GRIP1: variants seen among roughly 807,000 people sequenced by gnomAD.
The protein encoded by GRIP1 is glutamate receptor-interacting protein 1.
In GRIP1, 45 loss-of-function variants were observed where a neutral mutation model predicts 129.9. The ratio of observed to expected loss-of-function variants is 0.35; its 90% CI spans 0.27 to 0.44. GRIP1 has a LOEUF of 0.44. Among genes scored for constraint, GRIP1 ranks in the 20% least tolerant of loss-of-function variants. The pLI, the probability that GRIP1 is intolerant of heterozygous loss-of-function variation, is 1.00. For synonymous variants in GRIP1, 530 were observed against 520.8 expected (o/e 1.02, Z -0.24); for missense variants, 1,196 against 1,396.8 (o/e 0.86, Z 2.29).
chr12:66,620,608 A>G (rs2065225534), intron 1 of GRIP1, among the ~76,000 whole-genome samples: 1 of 152,186 alleles, frequency 6.6e-6, no homozygotes, highest in Non-Finnish European at 1.5e-5. Context: ...TCCAGGTAAT[A>G]GCTCTCTGAG....
chr12:66,757,036 T>C (rs2037312259), intron 1 of GRIP1, among the ~76,000 whole-genome samples: 1 of 152,228 alleles, frequency 6.6e-6, no homozygotes, highest in Admixed American at 6.5e-5. Context: ...GGGACATCAT[T>C]ATCACATGAG....
chr12:66,643,574 T>C (rs1004547153), intron 1 of GRIP1, among the ~76,000 whole-genome samples: 52 of 152,084 alleles, frequency 3.4e-4, no homozygotes, highest in African/African-American at 1.2e-3. Flanking sequence ...GAATTATGAT[T>C]GGTTTTGGTA....
chr12:66,957,839 G>A (rs1410109771), intron 1 of GRIP1, among the ~76,000 whole-genome samples: 3 of 152,118 alleles, frequency 2.0e-5, no homozygotes, highest in African/African-American at 4.8e-5. Context: ...CTCTTTGGAA[G>A]GAAGTCACTA....
intron 13 of GRIP1, among the ~76,000 whole-genome samples, chr12:66,443,766 T>C (rs898785655): frequency 6.6e-6 from 1 of 152,184 alleles, no homozygotes; most frequent in Non-Finnish European, 1.5e-5. Context: ...TACTGCAATA[T>C]TCTTGACCCC....
At chr12:66,903,209 G>A (rs550289714) in intron 1 of GRIP1, among the ~76,000 whole-genome samples, 34 of 151,458 alleles carry the variant, frequency 2.2e-4, no homozygotes, top group African/African-American at 7.3e-4. Context: ...GCACTACACC[G>A]CAATCCATAG....
At chr12:66,638,771 T>C (rs1187678358) in intron 1 of GRIP1, among the ~76,000 whole-genome samples, 13 of 152,184 alleles carry the variant, frequency 8.5e-5, no homozygotes, top group African/African-American at 1.2e-4. Context: ...TTTGTCTTGG[T>C]CTCAGCTTTA....
At position 66,376,345 on chromosome 12, in the gene GRIP1, G is replaced by A. The variant is rs138672441; in HGVS notation, c.2778+672C>T. Among the ~76,000 whole-genome samples the A allele has an allele frequency of 2.7e-3, 417 of 152,248 alleles. 5 individuals are homozygous for A. The highest frequency in any genetic ancestry group is 8.8e-3 in the African/African-American group (365 of 41,542). On this transcript the variant is annotated intron_variant, in intron 22 of 24. Coordinates refer to ENST00000359742, the MANE Select transcript of GRIP1 (RefSeq NM_001366722.1). ...CATTCACATTCCTTATGGTGACTTG[G>A]GGACCTCATAAGACATCAAAATAAA... is the stretch of plus-strand genomic sequence containing the variant.
At chr12:66,501,956 G>A (rs1359280369) in intron 7 of GRIP1, among the ~76,000 whole-genome samples, 1 of 152,156 alleles carries the variant, frequency 6.6e-6, no homozygotes, top group Non-Finnish European at 1.5e-5. Context: ...GGACTACTGG[G>A]TTTGATGTGA....
chr12:66,822,018 GTGTGTA>G (rs2039329618), intron 1 of GRIP1, among the ~76,000 whole-genome samples: 1 of 151,954 alleles, frequency 6.6e-6, no homozygotes, highest in South Asian at 2.1e-4. Flanking sequence ...GTGTGTGTGT[GTGTGTA>G]TGTGTATGTG....
At chr12:66,438,540 G>C (rs923837115) in intron 13 of GRIP1, among the ~76,000 whole-genome samples, 1 of 149,248 alleles carries the variant, frequency 6.7e-6, no homozygotes, top group Non-Finnish European at 1.5e-5. Context: ...CTGTTGCCCA[G>C]GCCAGAGTGC....
chr12:66,974,347 C>A (rs7302284), intron 1 of GRIP1, among the ~76,000 whole-genome samples: 85,603 of 152,014 alleles, frequency 0.56, 24,831 homozygotes, highest in Non-Finnish European at 0.62. Flanking sequence ...AGTACTTATA[C>A]CCATCCAACA....
At chr12:66,881,643 C>A (rs190159723) in intron 1 of GRIP1, among the ~76,000 whole-genome samples, 1 of 151,968 alleles carries the variant, frequency 6.6e-6, no homozygotes, top group East Asian at 1.9e-4. Context: ...GACATTATTA[C>A]AAAGGAGGGG....
At chr12:66,700,447 T>A (rs954285341) in intron 1 of GRIP1, among the ~76,000 whole-genome samples, 17 of 150,702 alleles carry the variant, frequency 1.1e-4, no homozygotes, top group African/African-American at 1.5e-4. Flanking sequence ...TTTTTTTTTT[T>A]AAATTAAGAT....
chr12:66,674,649 G>A (rs1209716213), intron 1 of GRIP1, among the ~76,000 whole-genome samples: 2 of 152,138 alleles, frequency 1.3e-5, no homozygotes, highest in Non-Finnish European at 2.9e-5. Flanking sequence ...AGATGGTTGA[G>A]TTTCAGTTCT....
intron 7 of GRIP1, among the ~76,000 whole-genome samples, chr12:66,492,453 T>A (rs1195109517): frequency 1.3e-5 from 2 of 152,022 alleles, no homozygotes; most frequent in Non-Finnish European, 2.9e-5. Context: ...AAATAACCAA[T>A]GTCCTGTCAA....
chr12:66,693,464 A>G (rs1437942390), intron 1 of GRIP1, among the ~76,000 whole-genome samples: 11 of 152,132 alleles, frequency 7.2e-5, no homozygotes, highest in African/African-American at 2.4e-4. Flanking sequence ...AGTCCCCACT[A>G]GGGTTCCTTC....
chr12:66,454,791 T>A (rs916431443), intron 11 of GRIP1, among the ~76,000 whole-genome samples: 3 of 152,098 alleles, frequency 2.0e-5, no homozygotes, highest in Non-Finnish European at 4.4e-5. Context: ...TAGGCTGGAG[T>A]GGACAGTAAG....
chr12:66,910,015 A>G (rs1279373550), intron 1 of GRIP1, among the ~76,000 whole-genome samples: 8 of 152,192 alleles, frequency 5.3e-5, no homozygotes, highest in Non-Finnish European at 1.2e-4. Flanking sequence ...GTCTCTGGTC[A>G]GTGCATTTAA....
intron 1 of GRIP1, among the ~76,000 whole-genome samples, chr12:66,873,007 C>G (rs367610235): frequency 6.6e-6 from 1 of 152,076 alleles, no homozygotes; most frequent in Admixed American, 6.6e-5. Flanking sequence ...TAAATCACAT[C>G]TGTTGCCTGG....
Sources: gnomAD v4.1 joint callset for allele counts (sites outside exome capture counted in the v4.1 genomes callset) on GRCh38, gnomAD v4.1.1 for gene constraint, MANE v1.5 for transcripts, NCBI Gene and HGNC (gene_info 2026-07-23, HGNC 2026-07-21) for gene names.